CSMD1: variants seen among roughly 807,000 people sequenced by gnomAD.
The protein encoded by CSMD1 is CUB and sushi domain-containing protein 1.
A neutral mutation model predicts 417.5 loss-of-function variants in CSMD1; 213 were observed. The ratio of observed to expected loss-of-function variants is 0.51; its 90% CI spans 0.46 to 0.57. The LOEUF (loss-of-function observed/expected upper bound fraction) is 0.57. Ranked by LOEUF, CSMD1 falls within the 20% of genes least tolerant of loss-of-function variation. The pLI is 0.00. For missense variants in CSMD1, 6,923 were observed against 4,529.7 expected (o/e 1.53, Z -15.17); for synonymous variants, 2,862 against 1,736.8 (o/e 1.65, Z -16.11).
chr8:2,951,259 A>G lies in CSMD1; in HGVS notation c.10056T>C (p.Phe3352=), dbSNP rs745460073. The G allele has an allele frequency of 3.7e-6, 6 of 1,605,548 alleles. No individual in the cohort carries two copies. Among genetic ancestry groups the G allele is most frequent in the East Asian group, 2.2e-5 (1 of 44,648 alleles). ...ACCCCTTCCACAGTGAATTGACGAA[A>G]AAGACATCTGAAGGAACTGTGGGAA... ...VTKTPVPSDV[F]FVNSLWKGYY... The change falls in exon 66 of 70, where the codon TTT becomes TTC. Residue 3352 remains phenylalanine (F), a synonymous_variant. Coordinates refer to ENST00000635120, the MANE Select transcript of CSMD1 (RefSeq NM_033225.6).
At chr8:3,833,598 T>C (rs1201318437) in intron 5 of CSMD1, among the ~76,000 whole-genome samples, 1 of 152,136 alleles carries the variant, frequency 6.6e-6, no homozygotes, top group Non-Finnish European at 1.5e-5. Flanking sequence ...TGATGATACT[T>C]TGAACAATAA....
At chr8:3,300,427 A>G (rs1804302722) in intron 25 of CSMD1, among the ~76,000 whole-genome samples, 1 of 152,258 alleles carries the variant, frequency 6.6e-6, no homozygotes, top group East Asian at 1.9e-4. Context: ...AACCATGCCA[A>G]AGAGCTTATC....
chr8:3,657,170 T>A (rs946847504), intron 7 of CSMD1, among the ~76,000 whole-genome samples: 9 of 152,146 alleles, frequency 5.9e-5, no homozygotes, highest in African/African-American at 1.4e-4. Flanking sequence ...TAAATTTACA[T>A]CCTACAGGAA....
chr8:3,709,269 T>G (rs6981931), intron 6 of CSMD1, among the ~76,000 whole-genome samples: 135,515 of 151,830 alleles, frequency 0.89, 60,921 homozygotes, highest in East Asian at 0.99. Context: ...AAGTGCCCAG[T>G]GGAAACATTT....
chr8:4,308,556 T>C (rs186137633), intron 3 of CSMD1, among the ~76,000 whole-genome samples: 44 of 152,338 alleles, frequency 2.9e-4, no homozygotes, highest in Admixed American at 1.4e-3. Context: ...TTGTCTTCGA[T>C]ATATCTTCCT....
Position 4,489,766 on chromosome 8 carries a change from C to T in CSMD1, c.303-69701G>A, listed in dbSNP as rs143899228. On this transcript the variant is annotated intron_variant, in intron 2 of 69. Coordinates refer to ENST00000635120, the MANE Select transcript of CSMD1 (RefSeq NM_033225.6). ...CAGCTGCCGCGGTGTGAGATGTTTG[C>T]CATGAAAAGCAGATCCTTCTTTAGT... Among the ~76,000 whole-genome samples the T allele has an allele frequency of 4.7e-3, 715 of 152,272 alleles. 2 individuals are homozygous for T. The highest frequency in any genetic ancestry group is 9.5e-3 in the Admixed American group (146 of 15,294).
Position 3,238,862 on chromosome 8 carries a change from T to C in CSMD1, c.4154-8631A>G, listed in dbSNP as rs576650397. 6.6e-4 allele frequency among the ~76,000 whole-genome samples: 101 copies of C among 152,238 alleles called. 1 individual carries two copies. The highest frequency in any genetic ancestry group is 1.1e-3 in the Non-Finnish European group (72 of 68,022). Reference sequence around the variant, plus strand: ...TGGCACCAAGAGATATCAGCTGTAATGGCTTGGAGAAATAGTGTAAACCAG... The same window carrying C: ...TGGCACCAAGAGATATCAGCTGTAACGGCTTGGAGAAATAGTGTAAACCAG... On this transcript the variant is annotated intron_variant, in intron 26 of 69. Coordinates refer to ENST00000635120, the MANE Select transcript of CSMD1 (RefSeq NM_033225.6).
intron 18 of CSMD1, among the ~76,000 whole-genome samples, chr8:3,376,227 A>G (rs1033854333): frequency 6.6e-6 from 1 of 152,050 alleles, no homozygotes; most frequent in South Asian, 2.1e-4. Flanking sequence ...TTTTAATAAC[A>G]TAATTACTAT....
chr8:3,041,922 A>G (rs1045139516), intron 50 of CSMD1, among the ~76,000 whole-genome samples: 3 of 152,228 alleles, frequency 2.0e-5, no homozygotes, highest in Non-Finnish European at 4.4e-5. Flanking sequence ...GTCTTTTGAC[A>G]TCACGGTCCT....
intron 41 of CSMD1, among the ~76,000 whole-genome samples, chr8:3,136,818 T>C (rs1818127757): frequency 6.6e-6 from 1 of 152,176 alleles, no homozygotes; most frequent in Non-Finnish European, 1.5e-5. Flanking sequence ...AAAGAAGCCT[T>C]CTACAAAATC....
chr8:3,811,715 G>T (rs1344390746), intron 5 of CSMD1, among the ~76,000 whole-genome samples: 3 of 152,094 alleles, frequency 2.0e-5, no homozygotes, highest in African/African-American at 4.8e-5. Context: ...GGAAAATTGT[G>T]AAAGCGGATT....
chr8:4,401,710 T>C (rs190648815), intron 3 of CSMD1, among the ~76,000 whole-genome samples: 36 of 151,834 alleles, frequency 2.4e-4, no homozygotes, highest in East Asian at 5.8e-4. Flanking sequence ...TAATCCTCCT[T>C]CTTTGAGAAT....
At chr8:3,869,877 T>G (rs1165354026) in intron 5 of CSMD1, among the ~76,000 whole-genome samples, 1 of 152,204 alleles carries the variant, frequency 6.6e-6, no homozygotes, top group Admixed American at 6.5e-5. Context: ...GATCTAATTT[T>G]GTATCAGTAG....
At chr8:4,123,011 T>G (rs751273562) in intron 3 of CSMD1, among the ~76,000 whole-genome samples, 1 of 152,180 alleles carries the variant, frequency 6.6e-6, no homozygotes, top group African/African-American at 2.4e-5. Context: ...GCTTCCAGCT[T>G]TGACAAATTA....
chr8:4,038,369 T>A (rs1797724618), intron 3 of CSMD1, among the ~76,000 whole-genome samples: 1 of 152,202 alleles, frequency 6.6e-6, no homozygotes, highest in African/African-American at 2.4e-5. Context: ...AAAAAACTTG[T>A]AAATTGTAAA....
Position 4,712,329 on chromosome 8 carries a change from C to A in CSMD1, c.86-74771G>T, listed in dbSNP as rs186891394. Among the ~76,000 whole-genome samples, 4 of 152,284 alleles carry A rather than the reference C, an allele frequency of 2.6e-5. No individual in the cohort carries two copies. In the East Asian group the frequency reaches 7.7e-4, roughly 29 times the overall value. On this transcript the variant is annotated intron_variant, in intron 1 of 69. Coordinates refer to ENST00000635120, the MANE Select transcript of CSMD1 (RefSeq NM_033225.6). ...ATTTAATGATGGTCACTTCCAACCACGCATTTCCAGAACGGAAAACCCTTT... is the reference window on the plus strand; with the variant it reads ...ATTTAATGATGGTCACTTCCAACCAAGCATTTCCAGAACGGAAAACCCTTT...
chr8:3,199,430 T>C (rs1464977416), intron 33 of CSMD1, among the ~76,000 whole-genome samples: 2 of 152,278 alleles, frequency 1.3e-5, no homozygotes, highest in East Asian at 3.9e-4. Flanking sequence ...TCTTACGAGA[T>C]GTGAAGAGCT....
intron 5 of CSMD1, among the ~76,000 whole-genome samples, chr8:3,850,201 ACTTTT>A (rs1803802270): frequency 6.6e-6 from 1 of 152,256 alleles, no homozygotes; most frequent in South Asian, 2.1e-4. Flanking sequence ...GACTGTTTAC[ACTTTT>A]CTTTATATCA....
At chr8:3,594,168 A>G (rs909977700) in intron 8 of CSMD1, among the ~76,000 whole-genome samples, 1 of 152,248 alleles carries the variant, frequency 6.6e-6, no homozygotes, top group East Asian at 1.9e-4. Context: ...CCCGACCTAC[A>G]GGGGTTTGGC....
Sources: gnomAD v4.1 joint callset for allele counts (sites outside exome capture counted in the v4.1 genomes callset) on GRCh38, gnomAD v4.1.1 for gene constraint, MANE v1.5 for transcripts, NCBI Gene and HGNC (gene_info 2026-07-23, HGNC 2026-07-21) for gene names.